Variants in GPHN observed in about 807,000 individuals in gnomAD.
GPHN encodes the protein gephyrin.
GPHN carries 17 observed loss-of-function variants against 95.5 expected under a neutral mutation model. That is an observed-to-expected ratio of 0.18 (90% CI 0.12 to 0.27). The LOEUF (loss-of-function observed/expected upper bound fraction) is 0.27, where lower values mean the gene tolerates loss of function less well. Among genes scored for constraint, GPHN ranks in the 10% least tolerant of loss-of-function variants. GPHN has a pLI of 1.00. For synonymous variants in GPHN, 320 were observed against 322.5 expected (o/e 0.99, Z 0.08); for missense variants, 660 against 978.1 (o/e 0.67, Z 4.34).
rs1322564309 is a variant in GPHN, at chr14:66,973,293, A to C, written c.963+7968A>C. Among the ~76,000 whole-genome samples the C allele has an allele frequency of 2.0e-5, 3 of 152,296 alleles. No homozygotes were observed. The East Asian group carries it at 5.8e-4, about 29-fold the overall frequency. On this transcript the variant is annotated intron_variant, in intron 9 of 22. Transcript: ENST00000478722. Reference sequence around the variant, plus strand: ...TAATCCTAGGGCAGGGAACACCTACACCTCTCTGATTCCAATGACAGACTT... The same window carrying C: ...TAATCCTAGGGCAGGGAACACCTACCCCTCTCTGATTCCAATGACAGACTT...
chr14:67,405,820 A>C, the GPHN span, among the ~76,000 whole-genome samples: 1 of 152,208 alleles, frequency 6.6e-6, no homozygotes, highest in Non-Finnish European at 1.5e-5. Context: ...AGGTGAGCTC[A>C]GAATTGGACC....
At chr14:66,915,969 A>G in intron 5 of GPHN, 34 bp from the exon 6 acceptor site, 1 of 1,221,604 alleles carries the variant, frequency 8.2e-7, no homozygotes, top group Non-Finnish European at 1.2e-6. Flanking sequence ...ATTCATAGCA[A>G]TTTAGTGTTC....
At chr14:67,362,011 T>C in the GPHN span, among the ~76,000 whole-genome samples, 2 of 148,540 alleles carry the variant, frequency 1.3e-5, no homozygotes, top group South Asian at 2.1e-4. Flanking sequence ...GAGTCTTTTT[T>C]TTTTTTCTTT....
chr14:67,674,398 C>T, the GPHN span: 1 of 1,603,002 alleles, frequency 6.2e-7, no homozygotes, highest in Non-Finnish European at 8.5e-7. Context: ...CCCCAGCAGC[C>T]GCTCGGGCAC....
At chr14:66,839,635 A>G (rs998355393) in intron 4 of GPHN, among the ~76,000 whole-genome samples, 3 of 152,184 alleles carry the variant, frequency 2.0e-5, no homozygotes, top group Admixed American at 6.5e-5. Flanking sequence ...TAATGTGTCA[A>G]TTGTCTGCTG....
chr14:67,686,735 G>A, the GPHN span, among the ~76,000 whole-genome samples: 7 of 151,450 alleles, frequency 4.6e-5, no homozygotes, highest in South Asian at 1.3e-3. Flanking sequence ...TATGGAAAAC[G>A]CTGGGGCCAG....
In GPHN at chr14:66,929,900, A is replaced by G. The variant is rs1400729239; in HGVS notation, c.828+5608A>G. Among the ~76,000 whole-genome samples, 10 of 151,802 alleles carry G rather than the reference A, an allele frequency of 6.6e-5. No homozygotes were observed. In the South Asian group the frequency reaches 1.7e-3, roughly 25 times the overall value. Reference sequence around the variant, plus strand: ...CTAATTTTTTGTATTTTTAGTAGAGACGGGGTTTCACCGTGTTAGCCAAGA... The same window carrying G: ...CTAATTTTTTGTATTTTTAGTAGAGGCGGGGTTTCACCGTGTTAGCCAAGA... On this transcript the variant is annotated intron_variant, in intron 8 of 22. Coordinates refer to ENST00000478722, the MANE Select transcript of GPHN (RefSeq NM_020806.5).
chr14:66,848,718 AAC>A (rs2153514319), intron 4 of GPHN, among the ~76,000 whole-genome samples: 1 of 152,160 alleles, frequency 6.6e-6, no homozygotes, highest in East Asian at 1.9e-4. Flanking sequence ...TCTTTTTAAT[AAC>A]AGAGTTTTAA....
At chr14:66,642,346 G>A (rs1031597508) in intron 1 of GPHN, among the ~76,000 whole-genome samples, 6 of 152,086 alleles carry the variant, frequency 3.9e-5, no homozygotes, top group African/African-American at 1.4e-4. Context: ...GCATGAGAAA[G>A]ATTCTGTGCA....
the GPHN span, among the ~76,000 whole-genome samples, chr14:67,711,105 G>A: frequency 6.6e-4 from 100 of 152,250 alleles, 1 homozygote; most frequent in Admixed American, 2.0e-3. Flanking sequence ...AAACAAAGAC[G>A]ATAACAAACC....
At chr14:66,645,829 A>T (rs1191734051) in intron 1 of GPHN, among the ~76,000 whole-genome samples, 1 of 152,040 alleles carries the variant, frequency 6.6e-6, no homozygotes, top group Non-Finnish European at 1.5e-5. Flanking sequence ...TAACCCTATG[A>T]TCTCATAGGG....
chr14:67,575,054 G>A, the GPHN span, among the ~76,000 whole-genome samples: 28 of 152,188 alleles, frequency 1.8e-4, no homozygotes, highest in Non-Finnish European at 3.8e-4. Context: ...TCAGCCTGCT[G>A]TTTTCCCTCC....
the GPHN span, chr14:67,208,034 G>T: frequency 1.1e-5 from 6 of 536,442 alleles, no homozygotes; most frequent in South Asian, 4.8e-4. Context: ...CACACCCGGG[G>T]CTCTCCCAAT....
the GPHN span, among the ~76,000 whole-genome samples, chr14:67,493,068 A>C: frequency 6.6e-6 from 1 of 152,186 alleles, no homozygotes; most frequent in South Asian, 2.1e-4. Flanking sequence ...CGTGCAAAGA[A>C]CTTTGGGAAA....
At chr14:66,561,772 T>C (rs2060258469) in intron 1 of GPHN, among the ~76,000 whole-genome samples, 1 of 152,134 alleles carries the variant, frequency 6.6e-6, no homozygotes, top group Non-Finnish European at 1.5e-5. Context: ...CCTTAAGCAA[T>C]AAAAATTTGT....
chr14:66,672,511 C>T, intron 1 of GPHN, among the ~76,000 whole-genome samples: 1 of 152,104 alleles, frequency 6.6e-6, no homozygotes. Context: ...GATTGTTAGT[C>T]TCCAACTGTA....
At chr14:67,610,543 T>G in the GPHN span, among the ~76,000 whole-genome samples, 1 of 152,302 alleles carries the variant, frequency 6.6e-6, no homozygotes, top group East Asian at 1.9e-4. Flanking sequence ...CCCAAAGTCA[T>G]GTAATGGGGG....
At chr14:67,350,002 C>T in the GPHN span, among the ~76,000 whole-genome samples, 3 of 152,190 alleles carry the variant, frequency 2.0e-5, no homozygotes, top group Admixed American at 2.0e-4. Flanking sequence ...CTCAGGAAGG[C>T]ATTTAATTAA....
the GPHN span, among the ~76,000 whole-genome samples, chr14:67,330,455 A>ATTTTTT: frequency 1.7e-5 from 2 of 117,776 alleles, no homozygotes; most frequent in Non-Finnish European, 3.6e-5. Flanking sequence ...ATTTCCCTTC[A>ATTTTTT]TTTTTTTTTT....
Sources: gnomAD v4.1 joint callset for allele counts (sites outside exome capture counted in the v4.1 genomes callset) on GRCh38, gnomAD v4.1.1 for gene constraint, MANE v1.5 for transcripts, NCBI Gene and HGNC (gene_info 2026-07-23, HGNC 2026-07-21) for gene names.